Variants in KDM4C observed in about 807,000 individuals in gnomAD.
KDM4C encodes lysine-specific demethylase 4C.
KDM4C carries 81 observed loss-of-function variants against 129.3 expected under a neutral mutation model. That is an observed-to-expected ratio of 0.63 (90% CI 0.52 to 0.75). The LOEUF (loss-of-function observed/expected upper bound fraction) is 0.75. Ranked by LOEUF, KDM4C falls within the 30% of genes least tolerant of loss-of-function variation. KDM4C has a pLI of 0.00. For missense variants in KDM4C, 1,457 were observed against 1,304.0 expected, an observed-to-expected ratio of 1.12 and a Z score of -1.81; for synonymous variants, 573 against 456.1, an observed-to-expected ratio of 1.26 and a Z score of -3.26.
chr9:7,139,556 T>C (rs1388652065), intron 19 of KDM4C, among the ~76,000 whole-genome samples: 1 of 152,184 alleles, frequency 6.6e-6, no homozygotes, highest in Non-Finnish European at 1.5e-5. Context: ...AAATTATATG[T>C]ATATATATTG....
chr9:6,946,433 C>T lies in KDM4C; in HGVS notation c.922-34492C>T, dbSNP rs186978034. Among the ~76,000 whole-genome samples, 957 of 152,146 alleles carry T rather than the reference C, an allele frequency of 6.3e-3. 10 individuals carry two copies. The highest frequency in any genetic ancestry group is 0.022 in the African/African-American group (923 of 41,546). On this transcript the variant is annotated intron_variant, in intron 8 of 21. Coordinates refer to ENST00000381309, the MANE Select transcript of KDM4C (RefSeq NM_015061.6). ...CTGAAGAGAATATGGCAAGGTGATT[C>T]AGTTTTTGATTTATTTAACATATTT...
At chr9:6,891,255 C>G (rs571777293) in intron 7 of KDM4C, among the ~76,000 whole-genome samples, 1 of 152,066 alleles carries the variant, frequency 6.6e-6, no homozygotes, top group African/African-American at 2.4e-5. Context: ...TTGGAAATGA[C>G]CAAATGTCTG....
intron 8 of KDM4C, among the ~76,000 whole-genome samples, chr9:6,970,258 G>A (rs1389996199): frequency 2.6e-5 from 4 of 152,270 alleles, no homozygotes; most frequent in Non-Finnish European, 5.9e-5. Flanking sequence ...GAATAAAATA[G>A]CCCTGTTAAG....
chr9:6,730,351 C>A (rs1024608207), intron 1 of KDM4C, among the ~76,000 whole-genome samples: 1 of 151,870 alleles, frequency 6.6e-6, no homozygotes, highest in Non-Finnish European at 1.5e-5. Flanking sequence ...CGTGGTGGCT[C>A]ACGCCTGTAA....
At chr9:6,968,298 C>G (rs1403483517) in intron 8 of KDM4C, among the ~76,000 whole-genome samples, 1 of 152,070 alleles carries the variant, frequency 6.6e-6, no homozygotes, top group African/African-American at 2.4e-5. Context: ...TAACATAGTT[C>G]AGTCCCTGTC....
At chr9:6,995,697 C>G (rs753182325) in intron 12 of KDM4C, among the ~76,000 whole-genome samples, 9 of 151,284 alleles carry the variant, frequency 5.9e-5, no homozygotes, top group African/African-American at 1.9e-4. Context: ...TTTGAGATGG[C>G]GTCTCGCACT....
intron 4 of KDM4C, among the ~76,000 whole-genome samples, chr9:6,826,990 T>C (rs1833992992): frequency 6.6e-6 from 1 of 152,088 alleles, no homozygotes; most frequent in African/African-American, 2.4e-5. Context: ...CGGGAGAGTA[T>C]GACAGCTCCT....
intron 1 of KDM4C, among the ~76,000 whole-genome samples, chr9:6,779,684 C>T (rs1588209321): frequency 3.3e-5 from 5 of 152,200 alleles, no homozygotes; most frequent in Admixed American, 3.3e-4. Flanking sequence ...AGTGCTCTAA[C>T]ACCAGTCAAT....
intron 12 of KDM4C, among the ~76,000 whole-genome samples, chr9:7,008,572 G>A (rs770559319): frequency 6.6e-6 from 1 of 152,150 alleles, no homozygotes; most frequent in Non-Finnish European, 1.5e-5. Context: ...GTCTACCATA[G>A]AAGACCCTGG....
intron 17 of KDM4C, among the ~76,000 whole-genome samples, chr9:7,061,225 A>G (rs992447208): frequency 6.6e-6 from 1 of 152,154 alleles, no homozygotes; most frequent in African/African-American, 2.4e-5. Flanking sequence ...TTGAGGGTTT[A>G]TGTTATTATT....
At chr9:6,997,966 A>C (rs899943698) in intron 12 of KDM4C, among the ~76,000 whole-genome samples, 1 of 152,246 alleles carries the variant, frequency 6.6e-6, no homozygotes, top group Non-Finnish European at 1.5e-5. Flanking sequence ...GTGTTTAGTC[A>C]AGTGCAGAGG....
intron 8 of KDM4C, among the ~76,000 whole-genome samples, chr9:6,942,282 A>AGTGTGTGTGT (rs58676459): frequency 0.033 from 4,715 of 142,622 alleles, 98 homozygotes; most frequent in African/African-American, 0.05. Flanking sequence ...TAGCCCTCAA[A>AGTGTGTGTGT]GTGTGTGTGT....
At position 6,739,192 on chromosome 9, in the gene KDM4C, CT is replaced by C. The variant is rs201619598; in HGVS notation, c.49+18197del. 9.4e-3 allele frequency among the ~76,000 whole-genome samples: 1,425 copies of C among 152,146 alleles called. 19 individuals carry two copies. Among genetic ancestry groups the C allele is most frequent in the African/African-American group, 0.033 (1,355 of 41,516 alleles). ...GGTTCAAGCGATTCTTGTGCCTCAG[CT>C]TCCCGAGTAGCTGGGATTACAGGCG... On this transcript the variant is annotated intron_variant, in intron 1 of 17. Transcript: ENST00000536108.
At position 7,096,179 on chromosome 9, in the gene KDM4C, G is replaced by T. The variant is rs530109424; in HGVS notation, c.2425-7506G>T. Reference sequence around the variant, plus strand: ...AGAGAAATAAAAATGGTAAGTGATTGATTTTTTTTCAACATACATAACAAT... The same window carrying T: ...AGAGAAATAAAAATGGTAAGTGATTTATTTTTTTTCAACATACATAACAAT... On this transcript the variant is annotated intron_variant, in intron 17 of 21. Transcript: ENST00000381309. Among the ~76,000 whole-genome samples, 318 of 152,218 alleles carry T rather than the reference G, an allele frequency of 2.1e-3. 2 individuals carry two copies. The highest frequency in any genetic ancestry group is 7.2e-3 in the African/African-American group (301 of 41,530).
chr9:7,094,813 A>G (rs1174439500), intron 17 of KDM4C, among the ~76,000 whole-genome samples: 2 of 152,196 alleles, frequency 1.3e-5, no homozygotes, highest in South Asian at 2.1e-4. Context: ...AATTTCCTCA[A>G]TGTGGGCTGC....
chr9:6,848,940 A>G (rs780703386), intron 4 of KDM4C, among the ~76,000 whole-genome samples: 13 of 152,252 alleles, frequency 8.5e-5, no homozygotes, highest in Non-Finnish European at 1.8e-4. Context: ...GGATACTGCC[A>G]AGAGTTTTTC....
At chr9:6,939,959 A>AATCTACCT (rs149769129) in intron 8 of KDM4C, among the ~76,000 whole-genome samples, 2 of 112,522 alleles carry the variant, frequency 1.8e-5, no homozygotes, top group Admixed American at 8.6e-5. Flanking sequence ...TCCAATAACC[A>AATCTACCT]ACCTACCTAC....
intron 8 of KDM4C, among the ~76,000 whole-genome samples, chr9:6,919,252 TTTC>T (rs757714877): frequency 3.7e-3 from 257 of 68,752 alleles, no homozygotes; most frequent in African/African-American, 0.017. Flanking sequence ...CTTTCTTTTC[TTTC>T]TTTCTTTCTT....
chr9:7,144,870 G>T (rs771014864), intron 19 of KDM4C, among the ~76,000 whole-genome samples: 5 of 152,282 alleles, frequency 3.3e-5, no homozygotes, highest in South Asian at 4.1e-4. Context: ...CAGCCCAGGA[G>T]TGAGCAATCT....
Sources: allele counts gnomAD v4.1 joint callset (sites outside exome capture counted in the v4.1 genomes callset), GRCh38; gene constraint gnomAD v4.1.1; transcripts MANE v1.5; gene names NCBI Gene and HGNC (gene_info 2026-07-23, HGNC 2026-07-21).